Variants in FAM120A observed in about 807,000 individuals in gnomAD.
FAM120A encodes the protein family with sequence similarity 120 member A.
A neutral mutation model predicts 109.7 loss-of-function variants in FAM120A; 15 were observed. The ratio of observed to expected loss-of-function variants is 0.14; its 90% CI spans 0.09 to 0.21. The LOEUF is 0.21. FAM120A is among the 10% of genes least tolerant of loss of function. The pLI, the probability that FAM120A is intolerant of heterozygous loss-of-function variation, is 1.00. For missense variants in FAM120A, 899 were observed against 1,439.3 expected, an observed-to-expected ratio of 0.62 and a Z score of 6.07; for synonymous variants, 493 against 572.8, an observed-to-expected ratio of 0.86 and a Z score of 1.99.
intron 5 of FAM120A, among the ~76,000 whole-genome samples, chr9:93,504,808 G>A (rs1386775161): frequency 6.6e-6 from 1 of 152,174 alleles, no homozygotes; most frequent in Admixed American, 6.5e-5. Flanking sequence ...CTCCAGGGTA[G>A]GGCCCTGTTC....
At chr9:93,455,628 C>T (rs1367534417) in intron 1 of FAM120A, among the ~76,000 whole-genome samples, 3 of 151,572 alleles carry the variant, frequency 2.0e-5, no homozygotes, top group African/African-American at 4.8e-5. Flanking sequence ...TGTAAATTGG[C>T]AGAGGGGCAT....
chr9:93,561,755 T>TTACATAATACTATACATAATTACA (rs1236168244), intron 16 of FAM120A, among the ~76,000 whole-genome samples: 3 of 152,188 alleles, frequency 2.0e-5, no homozygotes, highest in Non-Finnish European at 4.4e-5. Context: ...AATTATTTAA[T>TTACATAATACTATACATAATTACA]TAACCATTAA....
intron 5 of FAM120A, among the ~76,000 whole-genome samples, chr9:93,502,427 G>C (rs1316266117): frequency 1.3e-5 from 2 of 152,140 alleles, no homozygotes; most frequent in African/African-American, 4.8e-5. Context: ...CTAGGTACCA[G>C]TTGGCCTGGC....
intron 3 of FAM120A, among the ~76,000 whole-genome samples, chr9:93,496,409 G>A (rs1234409410): frequency 6.6e-6 from 1 of 152,208 alleles, no homozygotes; most frequent in Non-Finnish European, 1.5e-5. Context: ...TAAGACTTGA[G>A]TGTCAAAATT....
intron 1 of FAM120A, among the ~76,000 whole-genome samples, chr9:93,469,006 C>A (rs570277171): frequency 2.0e-5 from 3 of 152,336 alleles, no homozygotes; most frequent in African/African-American, 7.2e-5. Flanking sequence ...GTCCCTCTGC[C>A]CAGGCAACAG....
chr9:93,513,568 G>A (rs945604775), intron 5 of FAM120A, among the ~76,000 whole-genome samples: 31 of 152,164 alleles, frequency 2.0e-4, no homozygotes, highest in African/African-American at 7.5e-4. Context: ...AGTTGTTTTT[G>A]TTTGGTACAA....
At chr9:93,540,450 A>G (rs1340295529) in intron 10 of FAM120A, among the ~76,000 whole-genome samples, 4 of 152,178 alleles carry the variant, frequency 2.6e-5, no homozygotes, top group Non-Finnish European at 5.9e-5. Context: ...GTGAAAGAGG[A>G]CACTAACCCC....
chr9:93,485,331 C>A (rs1343023819), intron 3 of FAM120A, among the ~76,000 whole-genome samples: 3 of 151,984 alleles, frequency 2.0e-5, no homozygotes, highest in African/African-American at 7.2e-5. Flanking sequence ...TATGGTGGCT[C>A]ATGCTTGTAA....
Position 93,527,222 on chromosome 9 carries a change from G to A in FAM120A, c.1486G>A (p.Asp496Asn). ...CCACTCAGAGCCTCAGGCACGAGGA[G>A]ACCCAGGAGACCAAACAAAGGTAGA... is the stretch of plus-strand genomic sequence containing the variant. ...GSHSEPQARG[D>N]PGDQTKAEGS... The change falls in exon 8 of 18, where the codon GAC (aspartate) becomes AAC (asparagine). Residue 496 changes from aspartate (D) to asparagine (N), a missense_variant. Physicochemically the swap from Asp to Asn is conservative, Grantham distance 23 (BLOSUM62 1). Coordinates refer to ENST00000277165, the MANE Select transcript of FAM120A (RefSeq NM_014612.5). The A allele has an allele frequency of 6.2e-7, 1 of 1,614,110 alleles. No homozygotes were observed. The highest frequency in any genetic ancestry group is 8.5e-7 in the Non-Finnish European group (1 of 1,179,968).
chr9:93,557,588 G>A (rs1055584548), intron 13 of FAM120A, among the ~76,000 whole-genome samples: 1 of 152,210 alleles, frequency 6.6e-6, no homozygotes, highest in African/African-American at 2.4e-5. Flanking sequence ...CAGTGCATCA[G>A]GCAACAAAAA....
intron 3 of FAM120A, among the ~76,000 whole-genome samples, chr9:93,478,900 A>C (rs1858669163): frequency 2.6e-5 from 4 of 152,202 alleles, no homozygotes; most frequent in Admixed American, 2.6e-4. Context: ...GATGTGCTAC[A>C]GAATTGTATG....
chr9:93,482,948 G>A (rs969358081), intron 3 of FAM120A, among the ~76,000 whole-genome samples: 1 of 152,206 alleles, frequency 6.6e-6, no homozygotes, highest in African/African-American at 2.4e-5. Context: ...GCTTTTGTCC[G>A]AGAAGAGCTG....
In FAM120A at chr9:93,530,137, A is replaced by G. The variant is rs140226245; in HGVS notation, c.1734+557A>G. 198 of 162,490 alleles carry G rather than the reference A, an allele frequency of 1.2e-3. 1 individual carries two copies. Among genetic ancestry groups the G allele is most frequent in the Non-Finnish European group, 1.3e-3 (96 of 73,904 alleles). The allele number at this position is 162,490 out of a possible 1,614,324, so 10.1% of individuals were successfully genotyped here. On this transcript the variant is annotated intron_variant, in intron 9 of 17. Transcript: ENST00000277165. Reference sequence around the variant, plus strand: ...TCAGAAAATGAAACTATCATTTTATACAGTGTCATAATTTCACTTTATTAG... The same window carrying G: ...TCAGAAAATGAAACTATCATTTTATGCAGTGTCATAATTTCACTTTATTAG...
At chr9:93,460,364 T>C (rs1017694678) in intron 1 of FAM120A, among the ~76,000 whole-genome samples, 5 of 152,112 alleles carry the variant, frequency 3.3e-5, no homozygotes, top group African/African-American at 1.2e-4. Flanking sequence ...TTTTTTGAGA[T>C]GAAGTCTCAC....
At chr9:93,466,748 G>C (rs941687137) in intron 1 of FAM120A, among the ~76,000 whole-genome samples, 2 of 152,044 alleles carry the variant, frequency 1.3e-5, no homozygotes, top group Non-Finnish European at 2.9e-5. Context: ...CCTGAACACC[G>C]GTTCTCACTG....
chr9:93,559,190 A>C (rs1161799071), intron 15 of FAM120A, among the ~76,000 whole-genome samples: 4 of 152,246 alleles, frequency 2.6e-5, no homozygotes, highest in Admixed American at 2.6e-4. Context: ...TAAACAAGGC[A>C]GTTTACTGTA....
In FAM120A at chr9:93,516,121, G is replaced by A. The variant is rs1230424824; in HGVS notation, c.1270G>A (p.Glu424Lys). 3 of 1,613,800 alleles carry A rather than the reference G, an allele frequency of 1.9e-6. No individual in the cohort carries two copies. The highest frequency in any genetic ancestry group is 2.2e-5 in the East Asian group (1 of 44,846). ...GAACAGCTACAGCAACATTCCTCAC[G>A]AAGGGAAGCACACGCCGCTGTATGA... Reference protein sequence around the residue: ...EQNSYSNIPHEGKHTPLYERS... With the variant: ...EQNSYSNIPHKGKHTPLYERS... Residue 424 changes from glutamate to lysine, a missense_variant, in exon 7 of 18, where the codon GAA (glutamate) becomes AAA (lysine). Physicochemically the swap from Glu to Lys is moderately conservative, Grantham distance 56 (BLOSUM62 1). Around this residue, in one of 11 missense-constraint regions of FAM120A, gnomAD observed 30 missense variants for 32.5 expected, o/e 0.92. Coordinates refer to ENST00000277165, the MANE Select transcript of FAM120A (RefSeq NM_014612.5).
At chr9:93,497,173 G>T (rs1474210408) in intron 3 of FAM120A, among the ~76,000 whole-genome samples, 1 of 152,152 alleles carries the variant, frequency 6.6e-6, no homozygotes, top group African/African-American at 2.4e-5. Context: ...GGAATTAATC[G>T]CAAACAAGTC....
intron 5 of FAM120A, among the ~76,000 whole-genome samples, chr9:93,509,238 C>T (rs1860204879): frequency 1.3e-5 from 2 of 152,266 alleles, no homozygotes; most frequent in Admixed American, 1.3e-4. Context: ...TGGCTGGACC[C>T]ACCTGGACCC....
Sources: gnomAD v4.1 joint callset for allele counts (sites outside exome capture counted in the v4.1 genomes callset) on GRCh38, gnomAD v4.1.1 for gene constraint, gnomAD v4.1.1 regional missense constraint, MANE v1.5 for transcripts, NCBI Gene and HGNC (gene_info 2026-07-23, HGNC 2026-07-21) for gene names.